The following SLC13A4 variants were observed in gnomAD, a reference collection of about 807,000 sequenced individuals.
SLC13A4 encodes the protein Na(+)/sulfate cotransporter SUT-1.
SLC13A4 carries 28 observed loss-of-function variants against 72.7 expected under a neutral mutation model. The observed-to-expected ratio is 0.39, with a 90% CI of 0.29 to 0.53. The LOEUF (loss-of-function observed/expected upper bound fraction) is 0.53, where lower values mean the gene tolerates loss of function less well. SLC13A4 is among the 20% of genes least tolerant of loss of function. SLC13A4 has a pLI of 0.78. For missense variants in SLC13A4, 653 were observed against 788.0 expected (o/e 0.83, Z 2.05); for synonymous variants, 312 against 325.5 (o/e 0.96, Z 0.45).
At chr7:135,698,194 G>A (rs1795947543) in intron 8 of SLC13A4, among the ~76,000 whole-genome samples, 1 of 151,808 alleles carries the variant, frequency 6.6e-6, no homozygotes, top group Non-Finnish European at 1.5e-5. Flanking sequence ...TACCATGCCT[G>A]GTTAACTTTT....
In SLC13A4 at chr7:135,694,120, GA is replaced by G. The variant is rs1795850669; in HGVS notation, c.1121+16del. 1 of 1,450,864 alleles carries G rather than the reference GA, an allele frequency of 6.9e-7. No individual in the cohort carries two copies. Among genetic ancestry groups the G allele is most frequent in the African/African-American group, 1.4e-5 (1 of 71,776 alleles). 89.9% of individuals were successfully genotyped at this position (1,450,864 alleles called of 1,614,324 possible). On this transcript the variant is annotated intron_variant, in intron 10 of 15. Transcript: ENST00000682651. The stretch of plus-strand genomic sequence containing the variant: ...TTTCTGCTGGAGAAGGAGGGAAGAG[GA>G]ATGGCTGATTTTTACCTAATGTCTC...
At position 135,681,573 on chromosome 7, in the gene SLC13A4, T is replaced by C. The variant is rs374471422; in HGVS notation, c.1874A>G (p.Asp625Gly). 1.0e-4 allele frequency: 167 copies of C among 1,613,696 alleles called. No homozygotes were observed. Among genetic ancestry groups the C allele is most frequent in the Middle Eastern group, 1.6e-4 (1 of 6,078 alleles). ...PAWARVSNIT[D>G]QA ...TTTGTACACTTGGCGTTAGGCTTGA[T>C]CAGTGATGTTGCTGACCCTCGCCCA... is the stretch of plus-strand genomic sequence containing the variant. The change falls in exon 16 of 16, where the codon GAT (aspartate) becomes GGT (glycine). Residue 625 changes from aspartate (D) to glycine (G), a missense_variant. Coordinates refer to ENST00000682651, the MANE Select transcript of SLC13A4 (RefSeq NM_001318192.2).
chr7:135,683,670 G>A (rs1428916319), intron 15 of SLC13A4: 1 of 985,428 alleles, frequency 1.0e-6, no homozygotes, highest in East Asian at 1.1e-4. Flanking sequence ...TCTTGCCTGG[G>A]CCGGGGTGGA....
chr7:135,702,018 C>T (rs1423809707), intron 6 of SLC13A4: 8 of 364,022 alleles, frequency 2.2e-5, no homozygotes, highest in Non-Finnish European at 3.9e-5. Flanking sequence ...GCCAGCCTTT[C>T]TGGGACTTTA....
At position 135,727,973 on chromosome 7, in the gene SLC13A4, T is replaced by C. The variant is rs1796704451; in HGVS notation, c.-477A>G. On this transcript the variant is annotated 5_prime_UTR_variant, in exon 1 of 16. Transcript: ENST00000682651. Reference sequence around the variant, plus strand: ...CCCTCGGATGACCTATTTTGGGGAGTACCTGTTTCATCTCCCACCTGGGCT... The same window carrying C: ...CCCTCGGATGACCTATTTTGGGGAGCACCTGTTTCATCTCCCACCTGGGCT... The C allele has an allele frequency of 6.6e-6, 1 of 152,612 alleles. No homozygotes were observed. Among genetic ancestry groups the C allele is most frequent in the Non-Finnish European group, 1.5e-5 (1 of 68,412 alleles). The allele number at this position is 152,612 out of a possible 1,614,324, so 9.5% of individuals were successfully genotyped here.
intron 3 of SLC13A4, 119 bp from the exon 4 acceptor site, chr7:135,706,419 G>T: frequency 9.5e-7 from 1 of 1,049,216 alleles, no homozygotes; most frequent in Non-Finnish European, 1.4e-6. Flanking sequence ...GGAAAGGCAG[G>T]CATTTGTCCT....
At chr7:135,713,322 GA>G (rs1796345331) in intron 2 of SLC13A4, among the ~76,000 whole-genome samples, 1 of 152,162 alleles carries the variant, frequency 6.6e-6, no homozygotes, top group South Asian at 2.1e-4. Context: ...TTGGAGAGCA[GA>G]GGTGTTTCTG....
Position 135,727,509 on chromosome 7 carries a change from C to T in SLC13A4, c.-13G>A. ...GCAGCAGGCCCATCGCGCCTCTGTC[C>T]TCTCCAGCTCGTCCTTGGACCCCGC... is the stretch of plus-strand genomic sequence containing the variant. On this transcript the variant is annotated 5_prime_UTR_variant, in exon 1 of 16. Coordinates refer to ENST00000682651, the MANE Select transcript of SLC13A4 (RefSeq NM_001318192.2). 1 of 1,546,752 alleles carries T rather than the reference C, an allele frequency of 6.5e-7. No homozygotes were observed. The highest frequency in any genetic ancestry group is 8.7e-7 in the Non-Finnish European group (1 of 1,143,850).
At chr7:135,705,345 T>G in intron 5 of SLC13A4, 1 of 441,604 alleles carries the variant, frequency 2.3e-6, no homozygotes, top group Non-Finnish European at 4.1e-6. Flanking sequence ...TGAGATTCAG[T>G]GTGGCCTTTT....
At chr7:135,698,924 C>T (rs544302344) in intron 8 of SLC13A4, among the ~76,000 whole-genome samples, 21 of 152,226 alleles carry the variant, frequency 1.4e-4, no homozygotes, top group Middle Eastern at 3.4e-3. Flanking sequence ...TGAGCCACTG[C>T]GCCCGGCCTT....
intron 1 of SLC13A4, among the ~76,000 whole-genome samples, chr7:135,723,816 A>G (rs1302094215): frequency 6.6e-6 from 1 of 152,126 alleles, no homozygotes; most frequent in Non-Finnish European, 1.5e-5. Flanking sequence ...CCAAAAGTTG[A>G]CTGTAGCTCC....
intron 2 of SLC13A4, among the ~76,000 whole-genome samples, chr7:135,715,376 TGTGA>T (rs895965534): frequency 1.4e-4 from 13 of 92,284 alleles, no homozygotes; most frequent in African/African-American, 2.4e-4. Context: ...TGTATGAGTG[TGTGA>T]GTGTGTATGT....
rs140157885 is a variant in SLC13A4 at position 135,681,611 on chromosome 7, G to T, written c.1836C>A (p.Asp612Glu). 30 of 1,614,152 alleles carry T rather than the reference G, an allele frequency of 1.9e-5. No individual in the cohort carries two copies. In the African/African-American group the frequency reaches 3.3e-4, roughly 18 times the overall value. The change falls in exon 16 of 16, where the codon GAC (aspartate) becomes GAA (glutamate). Residue 612 changes from aspartate to glutamate, a missense_variant. Asp to Glu is a conservative substitution (Grantham distance 45, BLOSUM62 2). Coordinates refer to ENST00000682651, the MANE Select transcript of SLC13A4 (RefSeq NM_001318192.2). ...TGACCCTCGCCCATGCTGGGTAAGTGTCCAGGTGGAAGAGGCTAACTCCCC... is the reference window on the plus strand; with the variant it reads ...TGACCCTCGCCCATGCTGGGTAAGTTTCCAGGTGGAAGAGGCTAACTCCCC... Reference protein sequence around the residue: ...NTWGVSLFHLDTYPAWARVSN... With the variant: ...NTWGVSLFHLETYPAWARVSN...
In SLC13A4 at chr7:135,694,184, C is replaced by A; in HGVS notation, c.1074G>T (p.Leu358Phe). The A allele has an allele frequency of 6.2e-7, 1 of 1,613,520 alleles. No individual in the cohort carries two copies. The highest frequency in any genetic ancestry group is 8.5e-7 in the Non-Finnish European group (1 of 1,179,484). The change falls in exon 10 of 16, where the codon TTG becomes TTT. Residue 358 changes from leucine to phenylalanine, a missense_variant. Physicochemically the swap from Leu to Phe is conservative, Grantham distance 22. Coordinates refer to ENST00000682651, the MANE Select transcript of SLC13A4 (RefSeq NM_001318192.2). Reference sequence around the variant, plus strand: ...ATTCTTCTTGGATCCTCTTCTCTGACAACTGTTCCCTTTTGGTCTTCTTCT... The same window carrying A: ...ATTCTTCTTGGATCCTCTTCTCTGAAAACTGTTCCCTTTTGGTCTTCTTCT... ...SKKKKTKREQ[L>F]SEKRIQEEYE... is the part of the protein sequence containing the mutation.
chr7:135,684,245 A>G lies in SLC13A4; in HGVS notation c.1625T>C (p.Ile542Thr). Residue 542 changes from isoleucine to threonine, a missense_variant, in exon 15 of 16, where the codon ATT (isoleucine) becomes ACT (threonine). Transcript: ENST00000682651. ...ILCSLSETLHINPLYTLIPVT... is the reference protein window; with the variant it reads ...ILCSLSETLHTNPLYTLIPVT... The stretch of plus-strand genomic sequence containing the variant: ...TGGGATCAGGGTGTAGAGGGGGTTA[A>G]TGTGCAGCGTTTCAGACTAGAAGAG... The G allele has an allele frequency of 1.2e-6, 2 of 1,608,470 alleles. No homozygotes were observed. The highest frequency in any genetic ancestry group is 8.5e-7 in the Non-Finnish European group (1 of 1,176,784).
At chr7:135,694,260 A>G (rs1795854123) in intron 9 of SLC13A4, 22 bp from the exon 10 acceptor site, 1 of 1,434,944 alleles carries the variant, frequency 7.0e-7, no homozygotes, top group South Asian at 1.2e-5. Context: ...GAATGAGCAA[A>G]TGATTAAAGA....
rs1054486014 is a variant in SLC13A4 at position 135,699,423 on chromosome 7, G to T, written c.840C>A (p.Gly280=). The change falls in exon 8 of 16, where the codon GGC becomes GGA. Residue 280 remains glycine (G), a synonymous_variant. Coordinates refer to ENST00000682651, the MANE Select transcript of SLC13A4 (RefSeq NM_001318192.2). ...AGGTGCCGATGATGGTGGTCAGGCC[G>T]CCAATGGTAGCGGAGTAGGATATGC... The part of the protein sequence containing the change: ...SLSISYSATI[G]GLTTIIGTST... 1.2e-6 allele frequency: 2 copies of T among 1,613,286 alleles called. No individual in the cohort carries two copies. The highest frequency in any genetic ancestry group is 1.1e-5 in the South Asian group (1 of 90,750).
At chr7:135,705,689 G>T in intron 4 of SLC13A4, 39 bp from the exon 5 acceptor site, 2 of 1,592,038 alleles carry the variant, frequency 1.3e-6, no homozygotes, top group Non-Finnish European at 1.7e-6. Flanking sequence ...GAGAGGTGGA[G>T]GCTGGGGCTG....
At chr7:135,701,386 T>C (rs998183408) in intron 7 of SLC13A4, among the ~76,000 whole-genome samples, 9 of 152,186 alleles carry the variant, frequency 5.9e-5, no homozygotes, top group African/African-American at 1.9e-4. Context: ...ATAAAATATT[T>C]GCAGTGTCCC....
Sources: allele counts gnomAD v4.1 joint callset (sites outside exome capture counted in the v4.1 genomes callset), GRCh38; gene constraint gnomAD v4.1.1; transcripts MANE v1.5; gene names NCBI Gene and HGNC (gene_info 2026-07-23, HGNC 2026-07-21).